The following PTPRS variants were observed in gnomAD, a reference collection of about 807,000 sequenced individuals.
PTPRS encodes protein tyrosine phosphatase receptor type S.
Under a neutral mutation model 215.3 loss-of-function variants are expected in PTPRS, and 63 were observed. That is an observed-to-expected ratio of 0.29 (90% CI 0.24 to 0.36). The LOEUF (loss-of-function observed/expected upper bound fraction) is 0.36. Ranked by LOEUF, PTPRS falls within the 10% of genes least tolerant of loss-of-function variation. The probability of loss-of-function intolerance (pLI) is 1.00; values close to 1 mark genes in which losing one functional copy is unlikely to be tolerated. For synonymous variants in PTPRS, 1,404 were observed against 1,191.4 expected (o/e 1.18, Z -3.68); for missense variants, 2,258 against 2,825.8 (o/e 0.80, Z 4.56).
At position 5,257,253 on chromosome 19, in the gene PTPRS, G is replaced by A. The variant is rs533672481; in HGVS notation, c.706+764C>T. Among the ~76,000 whole-genome samples the A allele has an allele frequency of 7.2e-5, 11 of 151,984 alleles. No homozygotes were observed. The highest frequency in any genetic ancestry group is 4.2e-4 in the South Asian group (2 of 4,804). On this transcript the variant is annotated intron_variant, in intron 8 of 37. Transcript: ENST00000262963. This position sits in a 1 kb window ranked among gnomAD's most constrained non-coding sequence, Gnocchi z 4.4. ...GTAAGCTTCCTTGGGGCAGGGGAGCGGGGAGGTGCTGGGGCGAGGCCCCCA... is the reference window on the plus strand; with the variant it reads ...GTAAGCTTCCTTGGGGCAGGGGAGCAGGGAGGTGCTGGGGCGAGGCCCCCA...
intron 2 of PTPRS, among the ~76,000 whole-genome samples, chr19:5,281,601 T>G (rs1265088156): frequency 6.6e-6 from 1 of 152,210 alleles, no homozygotes; most frequent in Non-Finnish European, 1.5e-5. Flanking sequence ...GCAGATGTTT[T>G]GCTCCACATT....
chr19:5,231,644 G>A (rs1218271332), intron 13 of PTPRS, 29 bp from the exon 14 acceptor site: 3 of 98,872 alleles, frequency 3.0e-5, no homozygotes, highest in Non-Finnish European at 3.8e-5. Context: ...ACGTGGGGGG[G>A]TGGGGAAGGG....
rs764975073 is a variant in PTPRS at position 5,210,837 on chromosome 19, G to A, written c.5235-32C>T. Reference sequence around the variant, plus strand: ...GCGTTGGGGGTATGAGCCCAGGGCCGGCAGGGAGACCCGGCGTGGTACTCA... The same window carrying A: ...GCGTTGGGGGTATGAGCCCAGGGCCAGCAGGGAGACCCGGCGTGGTACTCA... On this transcript the variant is annotated intron_variant, in intron 33 of 37. Coordinates refer to ENST00000262963, the MANE Select transcript of PTPRS (RefSeq NM_002850.4). This position sits in a 1 kb window ranked among gnomAD's most constrained non-coding sequence, Gnocchi z 4.5. 20 of 1,605,992 alleles carry A rather than the reference G, an allele frequency of 1.2e-5. 1 individual carries two copies. Among genetic ancestry groups the A allele is most frequent in the South Asian group, 5.5e-5 (5 of 90,392 alleles).
rs1243032613 is a variant in PTPRS at position 5,231,351 on chromosome 19, C to A, written c.2114G>T (p.Gly705Val). 1 of 1,612,258 alleles carries A rather than the reference C, an allele frequency of 6.2e-7. No individual in the cohort carries two copies. The highest frequency in any genetic ancestry group is 1.7e-5 in the Admixed American group (1 of 60,002). Residue 705 changes from glycine (G) to valine (V), a missense_variant, in exon 14 of 38, where the codon GGG becomes GTG. Coordinates refer to ENST00000262963, the MANE Select transcript of PTPRS (RefSeq NM_002850.4). ...GACGACCACGGGCGAGCTCTCGGGCCCTGGTCCCACCTCTGTGTGAGCGAC... is the reference window on the plus strand; with the variant it reads ...GACGACCACGGGCGAGCTCTCGGGCACTGGTCCCACCTCTGTGTGAGCGAC... ...TTVAHTEVGP[G>V]PESSPVVVRT...
chr19:5,229,461 TC>T, intron 15 of PTPRS, 29 bp downstream of exon 15: 4 of 1,375,372 alleles, frequency 2.9e-6, no homozygotes, highest in South Asian at 1.7e-5. Flanking sequence ...CCGGAGCCCG[TC>T]CCCGGCCCCG....
At chr19:5,299,889 G>A (rs991609893) in intron 1 of PTPRS, among the ~76,000 whole-genome samples, 4 of 151,572 alleles carry the variant, frequency 2.6e-5, no homozygotes, top group Admixed American at 2.0e-4. Context: ...ATAAAATAAA[G>A]GAAAAGAAAA....
At chr19:5,211,917 TG>T in intron 32 of PTPRS, 47 bp downstream of exon 32, 1 of 1,550,330 alleles carries the variant, frequency 6.5e-7, no homozygotes, top group South Asian at 1.2e-5. Flanking sequence ...TTCGGCTCTT[TG>T]GGCCTCCTCC....
rs1045751655 is a variant in PTPRS at position 5,335,513 on chromosome 19, A to AAGGC, written c.-95+5147_-95+5150dup. Among the ~76,000 whole-genome samples, 16 of 152,174 alleles carry AAGGC rather than the reference A, an allele frequency of 1.1e-4. 1 individual carries two copies. Among genetic ancestry groups the AAGGC allele is most frequent in the African/African-American group, 2.4e-4 (10 of 41,442 alleles). Reference sequence around the variant, plus strand: ...AGGGGAAGTCATCCAGGAAGGAAGGAAGGCAGGCAGGCAGGTGAGATCTGG... The same window carrying AAGGC: ...AGGGGAAGTCATCCAGGAAGGAAGGAAGGCAGGCAGGCAGGCAGGTGAGATCTGG... On this transcript the variant is annotated intron_variant, in intron 1 of 37. Transcript: ENST00000262963.
At chr19:5,252,305 G>A (rs1263889148) in intron 9 of PTPRS, among the ~76,000 whole-genome samples, 3 of 152,130 alleles carry the variant, frequency 2.0e-5, no homozygotes, top group Admixed American at 6.5e-5. Flanking sequence ...GGCAGGGCAC[G>A]GTGGCTCACT....
chr19:5,260,572 C>A (rs945659058), intron 7 of PTPRS, among the ~76,000 whole-genome samples: 9 of 152,206 alleles, frequency 5.9e-5, no homozygotes, highest in African/African-American at 1.4e-4. Flanking sequence ...GGGGAGAGAG[C>A]GCCCCCGCCT....
intron 10 of PTPRS, among the ~76,000 whole-genome samples, chr19:5,245,282 G>T (rs566938668): frequency 6.6e-6 from 1 of 151,164 alleles, no homozygotes; most frequent in African/African-American, 2.4e-5. Context: ...GAGCCACCGC[G>T]CCTGGCCCAT....
chr19:5,293,343 C>T lies in PTPRS; in HGVS notation c.-94-7109G>A, dbSNP rs1293518405. 11 of 109,128 alleles carry T rather than the reference C, an allele frequency of 1.0e-4. No homozygotes were observed. Among genetic ancestry groups the T allele is most frequent in the South Asian group, 3.6e-4 (1 of 2,806 alleles). The allele number at this position is 109,128 out of a possible 1,614,324, so 6.8% of individuals were successfully genotyped here. A position where few individuals can be genotyped will look rare whatever the true frequency, so the allele number is the denominator to read the frequency against. On this transcript the variant is annotated intron_variant, in intron 1 of 37. Coordinates refer to ENST00000262963, the MANE Select transcript of PTPRS (RefSeq NM_002850.4). This position sits in a 1 kb window ranked among gnomAD's most constrained non-coding sequence, Gnocchi z 8.4. ...TTGCAGTGGGCGGGGCTGCAGGGGACGGGCCCCGAGGAGGGGGATTGGGGG... is the reference window on the plus strand; with the variant it reads ...TTGCAGTGGGCGGGGCTGCAGGGGATGGGCCCCGAGGAGGGGGATTGGGGG...
At chr19:5,239,165 GAGA>G in intron 12 of PTPRS, 102 bp from the exon 13 acceptor site, 1 of 288,090 alleles carries the variant, frequency 3.5e-6, no homozygotes, top group Non-Finnish European at 5.3e-6. Flanking sequence ...GGGGGAGGGG[GAGA>G]GAGAGAGAGA....
intron 9 of PTPRS, among the ~76,000 whole-genome samples, chr19:5,252,873 CAA>C (rs769636796): frequency 2.6e-4 from 12 of 45,664 alleles, no homozygotes; most frequent in Admixed American, 1.9e-3. Flanking sequence ...AACTCCATCT[CAA>C]AAAAAAAAAA....
At chr19:5,225,948 A>G in intron 16 of PTPRS, 104 bp from the exon 17 acceptor site, 1 of 916,096 alleles carries the variant, frequency 1.1e-6, no homozygotes, top group Non-Finnish European at 1.7e-6. Flanking sequence ...CAGGGCCCGG[A>G]TCAGGGGTGG....
chr19:5,249,348 G>A lies in PTPRS; in HGVS notation c.719-3303C>T, dbSNP rs373317068. 4.9e-4 allele frequency among the ~76,000 whole-genome samples: 75 copies of A among 152,152 alleles called. 1 individual carries two copies. The highest frequency in any genetic ancestry group is 1.7e-3 in the African/African-American group (69 of 41,510). On this transcript the variant is annotated intron_variant, in intron 9 of 37. Coordinates refer to ENST00000262963, the MANE Select transcript of PTPRS (RefSeq NM_002850.4). Reference sequence around the variant, plus strand: ...TAAATAAACAAACAAACAAACAAACGAAATGGAAACAGTAAGAATTTCTAC... The same window carrying A: ...TAAATAAACAAACAAACAAACAAACAAAATGGAAACAGTAAGAATTTCTAC...
intron 1 of PTPRS, among the ~76,000 whole-genome samples, chr19:5,326,225 C>T (rs2050163211): frequency 6.7e-6 from 1 of 149,154 alleles, no homozygotes; most frequent in Admixed American, 6.7e-5. Context: ...AGTGAGACTC[C>T]ATCTCAAGAA....
At chr19:5,331,127 TTAAAA>T (rs1476001145) in intron 1 of PTPRS, among the ~76,000 whole-genome samples, 867 of 80,710 alleles carry the variant, frequency 0.011, 16 homozygotes, top group African/African-American at 0.039. Flanking sequence ...GCTTCTTTTT[TTAAAA>T]AAAAAAAAAA....
chr19:5,242,992 A>G (rs1169145477), intron 11 of PTPRS, among the ~76,000 whole-genome samples: 1 of 151,622 alleles, frequency 6.6e-6, no homozygotes, highest in African/African-American at 2.4e-5. Context: ...GGTCCTATAT[A>G]TGTTTCTTAA....
Sources: allele counts gnomAD v4.1 joint callset (sites outside exome capture counted in the v4.1 genomes callset), GRCh38; gene constraint gnomAD v4.1.1; non-coding constraint Gnocchi (gnomAD v3.1); transcripts MANE v1.5; gene names NCBI Gene and HGNC (gene_info 2026-07-23, HGNC 2026-07-21).